The following NUBP1 variants were observed in gnomAD, a reference collection of about 807,000 sequenced individuals.
The protein encoded by NUBP1 is cytosolic Fe-S cluster assembly factor NUBP1.
Under a neutral mutation model 41.8 loss-of-function variants are expected in NUBP1, and 46 were observed. That is an observed-to-expected ratio of 1.10 (90% CI 0.87 to 1.41). The LOEUF is 1.41. Among genes scored for constraint, NUBP1 ranks in the 40% most tolerant of loss-of-function variants. The probability of loss-of-function intolerance (pLI) is 0.00; values close to 1 mark genes in which losing one functional copy is unlikely to be tolerated. For synonymous variants in NUBP1, 189 were observed against 154.6 expected, an observed-to-expected ratio of 1.22 and a Z score of -1.65; for missense variants, 494 against 414.0, an observed-to-expected ratio of 1.19 and a Z score of -1.68.
At chr16:10,755,807 A>G in intron 5 of NUBP1, 54 bp downstream of exon 5, 1 of 1,561,374 alleles carries the variant, frequency 6.4e-7, no homozygotes, top group Non-Finnish European at 8.8e-7. Flanking sequence ...TTGTGTGTAC[A>G]TAATGGGTTT....
chr16:10,746,783 A>G (rs1271265889), intron 2 of NUBP1, among the ~76,000 whole-genome samples: 2 of 152,078 alleles, frequency 1.3e-5, no homozygotes, highest in Non-Finnish European at 2.9e-5. Context: ...ACATTACCAA[A>G]TGTCTCTGGG....
At chr16:10,754,462 C>T (rs747983714) in intron 4 of NUBP1, among the ~76,000 whole-genome samples, 92 of 151,456 alleles carry the variant, frequency 6.1e-4, no homozygotes, top group Non-Finnish European at 1.0e-3. Flanking sequence ...AGGCTGGTCT[C>T]GAACTCCTGA....
In NUBP1 at chr16:10,767,939, C is replaced by A; in HGVS notation, c.821-10C>A. ...GGACTGAATTGTCTTCCGTTTGTTTCTTTTTTAAGGTAAGAATTGTGACAA... is the reference window on the plus strand; with the variant it reads ...GGACTGAATTGTCTTCCGTTTGTTTATTTTTTAAGGTAAGAATTGTGACAA... On this transcript the variant is annotated splice_polypyrimidine_tract_variant and intron_variant, in intron 9 of 10. Transcript: ENST00000283027. This position sits in a 1 kb window ranked among gnomAD's most constrained non-coding sequence, Gnocchi z 4.6. The A allele has an allele frequency of 6.2e-7, 1 of 1,613,884 alleles. No individual in the cohort carries two copies. The highest frequency in any genetic ancestry group is 1.7e-5 in the Admixed American group (1 of 60,010).
intron 7 of NUBP1, 68 bp from the exon 8 acceptor site, chr16:10,761,296 C>T (rs2029876435): frequency 1.4e-6 from 2 of 1,423,070 alleles, no homozygotes; most frequent in Non-Finnish European, 2.0e-6. Context: ...CAGCCATCCC[C>T]TCGGTTGCAC....
chr16:10,755,177 T>A (rs1014949411), intron 4 of NUBP1, among the ~76,000 whole-genome samples: 3 of 152,206 alleles, frequency 2.0e-5, no homozygotes, highest in Non-Finnish European at 2.9e-5. Context: ...AAAGTAAGGC[T>A]TCATCAAGAA....
In NUBP1 at chr16:10,757,950, T is replaced by G. The variant is rs765868039; in HGVS notation, c.529T>G (p.Ser177Ala). The change falls in exon 7 of 11, where the codon TCG becomes GCG. Residue 177 changes from serine (S) to alanine (A), a missense_variant. Transcript: ENST00000283027. This position sits in a 1 kb window ranked among gnomAD's most constrained non-coding sequence, Gnocchi z 4.1. ...CATTGTGGACACCCCACCTGGGACGTCGGATGAACACCTCTCGGTCGTCCG... is the reference window on the plus strand; with the variant it reads ...CATTGTGGACACCCCACCTGGGACGGCGGATGAACACCTCTCGGTCGTCCG... ...YLIVDTPPGT[S>A]DEHLSVVRYL... 1.2e-6 allele frequency: 2 copies of G among 1,613,932 alleles called. No individual in the cohort carries two copies. The highest frequency in any genetic ancestry group is 1.7e-6 in the Non-Finnish European group (2 of 1,179,990).
rs768402371 is a variant in NUBP1, at chr16:10,769,075, G to A, written c.933G>A (p.Gln311=). The A allele has an allele frequency of 1.2e-6, 2 of 1,613,962 alleles. No homozygotes were observed. Among genetic ancestry groups the A allele is most frequent in the East Asian group, 2.2e-5 (1 of 44,886 alleles). The change falls in exon 11 of 11, where the codon CAG becomes CAA. Residue 311 remains glutamine (Q), a synonymous_variant. Coordinates refer to ENST00000283027, the MANE Select transcript of NUBP1 (RefSeq NM_002484.4). ...TCCAAGAGTTTTGTAATCTCCATCA[G>A]TCAAAAGAAGAGAACCTCATCAGTT... ...QRIQEFCNLH[Q]SKEENLISS
intron 4 of NUBP1, among the ~76,000 whole-genome samples, chr16:10,754,234 T>TTTTATTTTATTTTATTTTA (rs1900450651): frequency 6.6e-6 from 1 of 151,388 alleles, no homozygotes; most frequent in Non-Finnish European, 1.5e-5. Context: ...TTTTATTTTA[T>TTTTATTTTATTTTATTTTA]TTTATTTTAT....
intron 9 of NUBP1, among the ~76,000 whole-genome samples, chr16:10,763,235 A>G (rs1478445733): frequency 6.6e-6 from 1 of 152,124 alleles, no homozygotes; most frequent in Admixed American, 6.5e-5. Flanking sequence ...AAGGTGGTTC[A>G]TGTCCGTGCA....
At position 10,765,412 on chromosome 16, in the gene NUBP1, T is replaced by C. The variant is rs1198419857; in HGVS notation, c.821-2537T>C. The stretch of plus-strand genomic sequence containing the variant: ...GTCCCAGCTACTCAGGAGGCTGAGT[T>C]AGCAGGATCACTTGAGCCCAGGGAG... On this transcript the variant is annotated intron_variant, in intron 9 of 10. Coordinates refer to ENST00000283027, the MANE Select transcript of NUBP1 (RefSeq NM_002484.4). The surrounding 1 kb of genome is among the most constrained non-coding windows in gnomAD (Gnocchi z 4.0). Among the ~76,000 whole-genome samples the C allele has an allele frequency of 6.6e-6, 1 of 151,332 alleles. No homozygotes were observed. The highest frequency in any genetic ancestry group is 2.4e-5 in the African/African-American group (1 of 41,132).
chr16:10,752,624 C>A lies in NUBP1; in HGVS notation c.273C>A (p.Asp91Glu), dbSNP rs1269877417. The A allele has an allele frequency of 6.2e-7, 1 of 1,613,528 alleles. No individual in the cohort carries two copies. Among genetic ancestry groups the A allele is most frequent in the Non-Finnish European group, 8.5e-7 (1 of 1,179,678 alleles). ...EDENTQIALL[D>E]IDICGPSIPK... is the part of the protein sequence containing the mutation. ...CTTGTCCCCAGATTGCTCTTCTAGA[C>A]ATCGATATATGTGGGCCATCGATTC... The change falls in exon 4 of 11, where the codon GAC becomes GAA. Residue 91 changes from aspartate (D) to glutamate (E), a missense_variant. Physicochemically the swap from Asp to Glu is conservative, Grantham distance 45 (BLOSUM62 2). Transcript: ENST00000283027.
rs138073723 is a variant in NUBP1, at chr16:10,766,304, G to T, written c.821-1645G>T. Among the ~76,000 whole-genome samples, 1 of 152,306 alleles carries T rather than the reference G, an allele frequency of 6.6e-6. No individual in the cohort carries two copies. The highest frequency in any genetic ancestry group is 2.4e-5 in the African/African-American group (1 of 41,572). ...CCTAGTGAGAGGGATCTGCCAGGGT[G>T]GGGTGAGAGGATGCCTGGGATCTCT... is the stretch of plus-strand genomic sequence containing the variant. On this transcript the variant is annotated intron_variant, in intron 9 of 10. Transcript: ENST00000283027. The surrounding 1 kb of genome is among the most constrained non-coding windows in gnomAD (Gnocchi z 4.8).
intron 2 of NUBP1, among the ~76,000 whole-genome samples, chr16:10,744,829 C>A (rs1287635103): frequency 6.6e-6 from 1 of 150,700 alleles, no homozygotes; most frequent in African/African-American, 2.4e-5. Flanking sequence ...GTGATCTCGG[C>A]TCACTGCAAC....
In NUBP1 at chr16:10,768,211, A is replaced by G; in HGVS notation, c.904+179A>G. 1 of 500,850 alleles carries G rather than the reference A, an allele frequency of 2.0e-6. No individual in the cohort carries two copies. Among genetic ancestry groups the G allele is most frequent in the Non-Finnish European group, 3.5e-6 (1 of 284,054 alleles). 31.0% of individuals were successfully genotyped at this position (500,850 alleles called of 1,614,324 possible). ...TCTCAATGTGTGAGTATTGTGAATT[A>G]ATTCATAGTTTAAAAAACATGGTGA... On this transcript the variant is annotated intron_variant, in intron 10 of 10. Transcript: ENST00000283027. The surrounding 1 kb of genome is among the most constrained non-coding windows in gnomAD (Gnocchi z 4.3).
At chr16:10,756,977 T>C (rs1900603718) in intron 6 of NUBP1, among the ~76,000 whole-genome samples, 197 bp downstream of exon 6, 1 of 152,178 alleles carries the variant, frequency 6.6e-6, no homozygotes, top group Non-Finnish European at 1.5e-5. Flanking sequence ...ATTATAAATA[T>C]CTGCTGTGAG....
At position 10,743,845 on chromosome 16, in the gene NUBP1, A is replaced by G. The variant is rs746830377; in HGVS notation, c.-19A>G. 39 of 1,558,290 alleles carry G rather than the reference A, an allele frequency of 2.5e-5. No individual in the cohort carries two copies. Among genetic ancestry groups the G allele is most frequent in the Admixed American group, 5.9e-5 (3 of 51,014 alleles). ...CGACAGCGGGTTCCGGTGACCACGA[A>G]GGCGGCAAAGGCGACGGAATGGAGG... is the stretch of plus-strand genomic sequence containing the variant. On this transcript the variant is annotated 5_prime_UTR_variant, in exon 1 of 11. Transcript: ENST00000283027.
intron 9 of NUBP1, among the ~76,000 whole-genome samples, chr16:10,763,079 G>C (rs2142775816): frequency 6.6e-6 from 1 of 152,222 alleles, no homozygotes; most frequent in African/African-American, 2.4e-5. Context: ...GGTTGTCCCT[G>C]CTGCCAGTAC....
rs2031248104 is a variant in NUBP1 at position 10,768,575 on chromosome 16, C to G, written c.905-472C>G. The G allele has an allele frequency of 6.4e-6, 1 of 157,002 alleles. No homozygotes were observed. The highest frequency in any genetic ancestry group is 1.4e-5 in the Non-Finnish European group (1 of 71,500). The allele number at this position is 157,002 out of a possible 1,614,324, so 9.7% of individuals were successfully genotyped here. On this transcript the variant is annotated intron_variant, in intron 10 of 10. Transcript: ENST00000283027. This position sits in a 1 kb window ranked among gnomAD's most constrained non-coding sequence, Gnocchi z 4.3. Reference sequence around the variant, plus strand: ...TAAGGCGAGATCGCGCCACTGCACTCCAGCCTGGGCAACAGCGTGAGACCG... The same window carrying G: ...TAAGGCGAGATCGCGCCACTGCACTGCAGCCTGGGCAACAGCGTGAGACCG...
At chr16:10,753,913 C>G (rs532490580) in intron 4 of NUBP1, among the ~76,000 whole-genome samples, 17 of 152,070 alleles carry the variant, frequency 1.1e-4, no homozygotes, top group Non-Finnish European at 7.4e-5. Flanking sequence ...CAGATGGGGC[C>G]GGCCTTGCAG....
Sources: gnomAD v4.1 joint callset for allele counts (sites outside exome capture counted in the v4.1 genomes callset) on GRCh38, gnomAD v4.1.1 for gene constraint, Gnocchi (gnomAD v3.1) non-coding constraint, MANE v1.5 for transcripts, NCBI Gene and HGNC (gene_info 2026-07-23, HGNC 2026-07-21) for gene names.